REXO1: variants seen among roughly 807,000 people sequenced by gnomAD.
The protein encoded by REXO1 is REX1, RNA exonuclease 1 homolog.
Under a neutral mutation model 102.6 loss-of-function variants are expected in REXO1, and 42 were observed. That is an observed-to-expected ratio of 0.41 (90% confidence interval 0.32 to 0.53). REXO1 has a LOEUF of 0.53. Among genes scored for constraint, REXO1 ranks in the 20% least tolerant of loss-of-function variants. The pLI, the probability that REXO1 is intolerant of heterozygous loss-of-function variation, is 0.27. For synonymous variants in REXO1, 908 were observed against 779.1 expected, an observed-to-expected ratio of 1.17 and a Z score of -2.76; for missense variants, 1,819 against 1,732.5, an observed-to-expected ratio of 1.05 and a Z score of -0.89.
At position 1,818,689 on chromosome 19, in the gene REXO1, G is replaced by T. The variant is rs931751640; in HGVS notation, c.2902+17C>A. The T allele has an allele frequency of 6.2e-6, 10 of 1,609,918 alleles. No individual in the cohort carries two copies. The Admixed American group carries it at 1.7e-4, about 27-fold the overall frequency. On this transcript the variant is annotated intron_variant, in intron 9 of 15. Coordinates refer to ENST00000170168, the MANE Select transcript of REXO1 (RefSeq NM_020695.4). Reference sequence around the variant, plus strand: ...CCCGCACCTGCCCACCTAGGCCGTCGCAGGCCAGCGACTCACAGTCCTTGG... The same window carrying T: ...CCCGCACCTGCCCACCTAGGCCGTCTCAGGCCAGCGACTCACAGTCCTTGG...
At chr19:1,847,460 C>T (rs1257417358) in intron 1 of REXO1, among the ~76,000 whole-genome samples, 1 of 152,076 alleles carries the variant, frequency 6.6e-6, no homozygotes. Context: ...GTCTGAATGA[C>T]ATCACACTCG....
In REXO1 at chr19:1,825,836, T is replaced by C. The variant is rs768654633; in HGVS notation, c.2016+3A>G. ...CTGCTGGCCTGGCCTCTGCGGACCT[T>C]ACCTCCTGGCCTTGCTTGGAAAGGT... On this transcript the variant is annotated splice_donor_region_variant and intron_variant, in intron 3 of 15. Coordinates refer to ENST00000170168, the MANE Select transcript of REXO1 (RefSeq NM_020695.4). 2.5e-6 allele frequency: 4 copies of C among 1,594,362 alleles called. No homozygotes were observed. Among genetic ancestry groups the C allele is most frequent in the Non-Finnish European group, 3.4e-6 (4 of 1,163,292 alleles).
In REXO1 at chr19:1,815,680, T is replaced by C. The variant is rs1568675208; in HGVS notation, c.*386A>G. 1 of 1,301,948 alleles carries C rather than the reference T, an allele frequency of 7.7e-7. No individual in the cohort carries two copies. The highest frequency in any genetic ancestry group is 3.3e-5 in the Admixed American group (1 of 30,692). The allele number at this position is 1,301,948 out of a possible 1,614,324, so 80.6% of individuals were successfully genotyped here. Reference sequence around the variant, plus strand: ...CAATACAAAATAAAAAAAGACTGTCTCAAACAAACCTGGGACAAGCCCGCC... The same window carrying C: ...CAATACAAAATAAAAAAAGACTGTCCCAAACAAACCTGGGACAAGCCCGCC... On this transcript the variant is annotated 3_prime_UTR_variant, in exon 16 of 16. Transcript: ENST00000170168. This position sits in a 1 kb window ranked among gnomAD's most constrained non-coding sequence, Gnocchi z 4.0.
chr19:1,820,955 C>T (rs1294461140), intron 5 of REXO1, among the ~76,000 whole-genome samples: 2 of 151,160 alleles, frequency 1.3e-5, no homozygotes, highest in Admixed American at 6.6e-5. Context: ...GCCATGATTG[C>T]GCCCCTGCAC....
rs575670912 is a variant in REXO1 at position 1,826,656 on chromosome 19, C to A, written c.1911+222G>T. 6.7e-6 allele frequency among the ~76,000 whole-genome samples: 1 copy of A among 150,294 alleles called. No homozygotes were observed. Among genetic ancestry groups the A allele is most frequent in the African/African-American group, 2.5e-5 (1 of 40,280 alleles). On this transcript the variant is annotated intron_variant, in intron 2 of 15. Transcript: ENST00000170168. The surrounding 1 kb of genome is among the most constrained non-coding windows in gnomAD (Gnocchi z 4.3). Reference sequence around the variant, plus strand: ...GCCACAGAAGCCTGGCTGGTGGCCACGGGCCAGTGACCTCTGGGTGGGTGA... The same window carrying A: ...GCCACAGAAGCCTGGCTGGTGGCCAAGGGCCAGTGACCTCTGGGTGGGTGA...
In REXO1 at chr19:1,837,001, C is replaced by A. The variant is rs115187453; in HGVS notation, c.158-8370G>T. ...CTGCGGCATGAGATAAGCAAGACTA[C>A]CCCCAACCTAGCCCCTGGGGGAGCC... On this transcript the variant is annotated intron_variant, in intron 1 of 15. Coordinates refer to ENST00000170168, the MANE Select transcript of REXO1 (RefSeq NM_020695.4). Among the ~76,000 whole-genome samples the A allele has an allele frequency of 8.8e-3, 1,338 of 152,318 alleles. 18 individuals carry two copies. Among genetic ancestry groups the A allele is most frequent in the African/African-American group, 0.031 (1,284 of 41,574 alleles).
chr19:1,835,205 A>G (rs1230004894), intron 1 of REXO1, among the ~76,000 whole-genome samples: 1 of 152,130 alleles, frequency 6.6e-6, no homozygotes, highest in African/African-American at 2.4e-5. Context: ...TGGCATGTGC[A>G]TGCTGCTAGG....
intron 1 of REXO1, among the ~76,000 whole-genome samples, chr19:1,847,534 C>G (rs1157136304): frequency 6.6e-6 from 1 of 152,196 alleles, no homozygotes; most frequent in Non-Finnish European, 1.5e-5. Context: ...AATCCCACAT[C>G]TCCTCCAAGA....
At chr19:1,848,114 G>A (rs1217265019) in intron 1 of REXO1, 88 bp downstream of exon 1, 3 of 663,012 alleles carry the variant, frequency 4.5e-6, no homozygotes, top group Middle Eastern at 4.8e-4. Flanking sequence ...AGGCTGGGCC[G>A]AGAACGGGGA....
chr19:1,833,935 C>T (rs145091476), intron 1 of REXO1, among the ~76,000 whole-genome samples: 2 of 152,180 alleles, frequency 1.3e-5, no homozygotes, highest in East Asian at 1.9e-4. Context: ...CTCCAGCTAA[C>T]GGGGATGCAG....
At chr19:1,820,747 C>G (rs1748121206) in intron 5 of REXO1, among the ~76,000 whole-genome samples, 1 of 152,122 alleles carries the variant, frequency 6.6e-6, no homozygotes, top group African/African-American at 2.4e-5. Flanking sequence ...AATCCCAGCA[C>G]TTTGGGAGGC....
chr19:1,818,361 G>A, intron 10 of REXO1, 121 bp downstream of exon 10: 1 of 720,794 alleles, frequency 1.4e-6, no homozygotes, highest in East Asian at 2.7e-5. Flanking sequence ...GTGCAGCCCA[G>A]GGACCCTGAG....
Position 1,828,419 on chromosome 19 carries a change from C to A in REXO1, c.370G>T (p.Ala124Ser), listed in dbSNP as rs758105728. 3 of 1,608,102 alleles carry A rather than the reference C, an allele frequency of 1.9e-6. No individual in the cohort carries two copies. Among genetic ancestry groups the A allele is most frequent in the Non-Finnish European group, 2.5e-6 (3 of 1,177,856 alleles). Residue 124 changes from alanine to serine, a missense_variant, in exon 2 of 16, where the codon GCC becomes TCC. Coordinates refer to ENST00000170168, the MANE Select transcript of REXO1 (RefSeq NM_020695.4). ...ETTREHRSAE[A>S]PALAPRGPNA... Reference sequence around the variant, plus strand: ...GGGCCGCGGGGCGCCAGGGCGGGGGCCTCGGCGGAGCGGTGCTCACGGGTC... The same window carrying A: ...GGGCCGCGGGGCGCCAGGGCGGGGGACTCGGCGGAGCGGTGCTCACGGGTC...
At chr19:1,821,004 A>C (rs2069517970) in intron 5 of REXO1, among the ~76,000 whole-genome samples, 1 of 150,484 alleles carries the variant, frequency 6.6e-6, no homozygotes, top group Non-Finnish European at 1.5e-5. Flanking sequence ...CTAAACAAAA[A>C]AAAAAAACAC....
intron 1 of REXO1, among the ~76,000 whole-genome samples, chr19:1,833,916 CT>C (rs145641002): frequency 2.6e-3 from 389 of 152,318 alleles, no homozygotes; most frequent in African/African-American, 8.5e-3. Flanking sequence ...CTGGTCTCCC[CT>C]CCCAAGGCTC....
Position 1,821,626 on chromosome 19 carries a change from G to A in REXO1, c.2287C>T (p.Pro763Ser), listed in dbSNP as rs931361860. The A allele has an allele frequency of 1.9e-6, 3 of 1,613,618 alleles. No individual in the cohort carries two copies. The highest frequency in any genetic ancestry group is 3.3e-5 in the Admixed American group (2 of 60,012). ...TTCAGCTGCTGGCCACCTGGCTCAGGGCCGTTGGAGGACTGGCTGCCGCTG... is the reference window on the plus strand; with the variant it reads ...TTCAGCTGCTGGCCACCTGGCTCAGAGCCGTTGGAGGACTGGCTGCCGCTG... ...AASGSQSSNG[P>S]EPGGQQLKTR... The change falls in exon 5 of 16, where the codon CCT becomes TCT. Residue 763 changes from proline to serine, a missense_variant. Coordinates refer to ENST00000170168, the MANE Select transcript of REXO1 (RefSeq NM_020695.4).
In REXO1 at chr19:1,828,326, T is replaced by C. The variant is rs2069804665; in HGVS notation, c.463A>G (p.Ser155Gly). ...GCATCAGGGCTTAATAGGCCGTGGC[T>C]GCCGGGGCTGTAGTCGAAGGCCAGT... ...FPLAFDYSPG[S>G]HGLLSPDAGY... Residue 155 changes from serine (S) to glycine (G), a missense_variant, in exon 2 of 16, where the codon AGC becomes GGC. Ser to Gly is a moderately conservative substitution (Grantham distance 56, BLOSUM62 0). Transcript: ENST00000170168. The C allele has an allele frequency of 3.1e-6, 5 of 1,609,650 alleles. No individual in the cohort carries two copies. Among genetic ancestry groups the C allele is most frequent in the Non-Finnish European group, 4.2e-6 (5 of 1,178,440 alleles).
rs375562753 is a variant in REXO1 at position 1,816,299 on chromosome 19, C to A, written c.3503G>T (p.Arg1168Leu). 42 of 1,588,436 alleles carry A rather than the reference C, an allele frequency of 2.6e-5. No homozygotes were observed. Among genetic ancestry groups the A allele is most frequent in the Middle Eastern group, 1.8e-4 (1 of 5,428 alleles). The change falls in exon 15 of 16, where the codon CGC becomes CTC. Residue 1168 changes from arginine to leucine, a missense_variant. Transcript: ENST00000170168. ...GGACCGCTTGTAGGGGAGGCCCAGGCGGTGGGGGAAGAGCACAGACGTGTC... is the reference window on the plus strand; with the variant it reads ...GGACCGCTTGTAGGGGAGGCCCAGGAGGTGGGGGAAGAGCACAGACGTGTC... ...VVDTSVLFPHRLGLPYKRSLR... is the reference protein window; with the variant it reads ...VVDTSVLFPHLLGLPYKRSLR...
At chr19:1,816,189 C>T (rs562400060) in intron 15 of REXO1, 35 bp from the exon 16 acceptor site, 22 of 1,564,420 alleles carry the variant, frequency 1.4e-5, no homozygotes, top group South Asian at 8.2e-5. Flanking sequence ...CCGGCCCCTG[C>T]GCAGGGACGG....
Sources: gnomAD v4.1 joint callset for allele counts (sites outside exome capture counted in the v4.1 genomes callset) on GRCh38, gnomAD v4.1.1 for gene constraint, Gnocchi (gnomAD v3.1) non-coding constraint, MANE v1.5 for transcripts, NCBI Gene and HGNC (gene_info 2026-07-23, HGNC 2026-07-21) for gene names.